MAP4K4: variants seen among roughly 807,000 people sequenced by gnomAD.
MAP4K4 encodes the protein mitogen-activated protein kinase kinase kinase kinase 4, also known as HPK/GCK-like kinase HGK.
In MAP4K4, 38 loss-of-function variants were observed where a neutral mutation model predicts 189.6. That is an observed-to-expected ratio of 0.20 (90% confidence interval 0.15 to 0.26). The LOEUF (loss-of-function observed/expected upper bound fraction) is 0.26. Ranked by LOEUF, MAP4K4 falls within the 10% of genes least tolerant of loss-of-function variation. MAP4K4 has a pLI of 1.00. For missense variants in MAP4K4, 1,054 were observed against 1,726.9 expected (o/e 0.61, Z 6.91); for synonymous variants, 610 against 624.3 (o/e 0.98, Z 0.34).
At chr2:101,873,811 C>G in intron 25 of MAP4K4, 47 bp downstream of exon 25, 1 of 1,343,944 alleles carries the variant, frequency 7.4e-7, no homozygotes, top group Non-Finnish European at 1.1e-6. Flanking sequence ...GGGACTTTAT[C>G]TTTGAGTTGC....
intron 31 of MAP4K4, among the ~76,000 whole-genome samples, chr2:101,888,259 G>A (rs1340136037): frequency 2.6e-5 from 4 of 152,206 alleles, no homozygotes; most frequent in African/African-American, 7.2e-5. Context: ...TTGGTAAAGA[G>A]ACAGAGAATT....
At position 101,754,393 on chromosome 2, in the gene MAP4K4, C is replaced by T. The variant is rs193138655; in HGVS notation, c.124-36327C>T. 4.5e-3 allele frequency among the ~76,000 whole-genome samples: 616 copies of T among 136,748 alleles called. 3 individuals are homozygous for T. The highest frequency in any genetic ancestry group is 0.022 in the Middle Eastern group (5 of 226). 89.7% of individuals were successfully genotyped at this position (136,748 alleles called of 152,430 possible). A position where few individuals can be genotyped will look rare whatever the true frequency, so the allele number is the denominator to read the frequency against. On this transcript the variant is annotated intron_variant, in intron 2 of 32. Coordinates refer to ENST00000324219, the Ensembl canonical transcript of MAP4K4. ...GAGAGATGGAATCTTGCTCTGTCAC[C>T]CAGGCTGGAGTGCAGTGGCGTGATC...
intron 2 of MAP4K4, among the ~76,000 whole-genome samples, chr2:101,775,424 C>T (rs2083552342): frequency 6.6e-6 from 1 of 151,914 alleles, no homozygotes; most frequent in African/African-American, 2.4e-5. Context: ...AGGAACCCTT[C>T]TTAAAGGAGA....
At chr2:101,785,199 CT>C (rs1186249043) in intron 2 of MAP4K4, among the ~76,000 whole-genome samples, 3 of 152,168 alleles carry the variant, frequency 2.0e-5, no homozygotes, top group Non-Finnish European at 4.4e-5. Flanking sequence ...ATAAATTTTC[CT>C]TCTCTCCTAT....
At chr2:101,799,989 C>T (rs569310805) in intron 3 of MAP4K4, among the ~76,000 whole-genome samples, 1 of 152,234 alleles carries the variant, frequency 6.6e-6, no homozygotes, top group South Asian at 2.1e-4. Context: ...AGATCATACC[C>T]TCTTGTAGGA....
chr2:101,846,543 TGGTGAAGGTGAGCGATGGTAGAA>T (rs1009448170), intron 12 of MAP4K4, among the ~76,000 whole-genome samples: 31 of 152,018 alleles, frequency 2.0e-4, no homozygotes, highest in African/African-American at 6.8e-4. Flanking sequence ...ATGTGGTAGG[TGGTGAAGGTGAGCGATGGTAGAA>T]GGTGAAGGTG....
intron 2 of MAP4K4, among the ~76,000 whole-genome samples, chr2:101,761,937 G>A (rs901092413): frequency 2.0e-5 from 3 of 152,172 alleles, no homozygotes; most frequent in African/African-American, 7.2e-5. Context: ...GCTGAGTCAG[G>A]GCAGACATAA....
intron 2 of MAP4K4, among the ~76,000 whole-genome samples, chr2:101,722,612 A>T (rs569281027): frequency 1.3e-5 from 2 of 152,262 alleles, no homozygotes; most frequent in Admixed American, 6.5e-5. Flanking sequence ...TTCAACTAGG[A>T]TTATGTTGGA....
At chr2:101,878,613 T>C (rs945362397) in intron 27 of MAP4K4, among the ~76,000 whole-genome samples, 1 of 152,208 alleles carries the variant, frequency 6.6e-6, no homozygotes, top group Non-Finnish European at 1.5e-5. Context: ...GATATCCTTG[T>C]AGCTTACTTA....
chr2:101,724,812 C>A (rs185115495), intron 2 of MAP4K4, among the ~76,000 whole-genome samples: 1 of 152,198 alleles, frequency 6.6e-6, no homozygotes, highest in African/African-American at 2.4e-5. Context: ...GACTGCATAG[C>A]CAGGTTTGGG....
chr2:101,799,658 G>T (rs2094176826), intron 3 of MAP4K4, among the ~76,000 whole-genome samples: 1 of 151,956 alleles, frequency 6.6e-6, no homozygotes, highest in Non-Finnish European at 1.5e-5. Context: ...CTGGAGGGCA[G>T]TGGCATCATC....
chr2:101,864,160 C>A, intron 17 of MAP4K4, 109 bp downstream of exon 17: 1 of 503,694 alleles, frequency 2.0e-6, no homozygotes, highest in Non-Finnish European at 3.1e-6. Context: ...TTTAAAGGGG[C>A]ATTGAAATTT....
intron 28 of MAP4K4, among the ~76,000 whole-genome samples, chr2:101,884,056 G>A (rs2098447302): frequency 6.6e-6 from 1 of 152,162 alleles, no homozygotes; most frequent in Non-Finnish European, 1.5e-5. Flanking sequence ...AGGCAGACGG[G>A]TTAAAAGTCT....
chr2:101,834,397 T>G lies in MAP4K4; in HGVS notation c.640-12T>G. 6.3e-7 allele frequency: 1 copy of G among 1,599,108 alleles called. No individual in the cohort carries two copies. The highest frequency in any genetic ancestry group is 8.5e-7 in the Non-Finnish European group (1 of 1,170,722). On this transcript the variant is annotated splice_polypyrimidine_tract_variant and intron_variant, in intron 7 of 32. Coordinates refer to ENST00000324219, the Ensembl canonical transcript of MAP4K4. ...ACTCCAGTATCTGTAACGTACTGTT[T>G]TATTTTTGCAGAGTGATCTTTGGTC...
At chr2:101,885,119 A>G in intron 28 of MAP4K4, 68 bp from the exon 29 acceptor site, 1 of 743,458 alleles carries the variant, frequency 1.3e-6, no homozygotes, top group Admixed American at 2.9e-5. Flanking sequence ...AAGACAACTA[A>G]AACAGTTTAG....
In MAP4K4 at chr2:101,870,432, T is replaced by C; in HGVS notation, c.2760+17T>C. 1 of 1,612,972 alleles carries C rather than the reference T, an allele frequency of 6.2e-7. No individual in the cohort carries two copies. Among genetic ancestry groups the C allele is most frequent in the Non-Finnish European group, 8.5e-7 (1 of 1,179,592 alleles). On this transcript the variant is annotated intron_variant, in intron 23 of 32. Coordinates refer to ENST00000324219, the Ensembl canonical transcript of MAP4K4. ...GTCCGCCAGGTACCCGTGTCTTCTC[T>C]GTTGTCAGAGGCTGAGCTTCTCCTG...
intron 2 of MAP4K4, among the ~76,000 whole-genome samples, chr2:101,706,123 G>C (rs2149236538): frequency 6.6e-6 from 1 of 152,126 alleles, no homozygotes; most frequent in East Asian, 1.9e-4. Context: ...CATACCAAAA[G>C]TCAGAGTCAT....
intron 2 of MAP4K4, among the ~76,000 whole-genome samples, chr2:101,749,382 CA>C (rs1441355931): frequency 2.6e-5 from 4 of 151,522 alleles, no homozygotes; most frequent in Non-Finnish European, 5.9e-5. Flanking sequence ...TGATCTTTGA[CA>C]AACCTGAGAA....
At chr2:101,757,884 G>A (rs532668613) in intron 2 of MAP4K4, among the ~76,000 whole-genome samples, 5 of 152,160 alleles carry the variant, frequency 3.3e-5, no homozygotes, top group Non-Finnish European at 7.4e-5. Context: ...ATTTTTACAG[G>A]CGTGGTGGTA....
Sources: allele counts gnomAD v4.1 joint callset (sites outside exome capture counted in the v4.1 genomes callset), GRCh38; gene constraint gnomAD v4.1.1; transcripts MANE v1.5; gene names NCBI Gene and HGNC (gene_info 2026-07-23, HGNC 2026-07-21).